The following ERC1 variants were observed in gnomAD, a reference collection of about 807,000 sequenced individuals.
ERC1 encodes ELKS/RAB6-interacting/CAST family member 1.
Under a neutral mutation model 132.0 loss-of-function variants are expected in ERC1, and 56 were observed. The observed-to-expected ratio is 0.42, with a 90% confidence interval of 0.34 to 0.53. The LOEUF is 0.53. ERC1 is among the 20% of genes least tolerant of loss of function. ERC1 has a pLI of 0.03. For synonymous variants in ERC1, 478 were observed against 476.1 expected (o/e 1.00, Z -0.05); for missense variants, 1,202 against 1,349.9 (o/e 0.89, Z 1.72).
intron 15 of ERC1, among the ~76,000 whole-genome samples, chr12:1,303,927 T>G (rs1297248466): frequency 7.2e-6 from 1 of 138,860 alleles, no homozygotes; most frequent in Non-Finnish European, 1.5e-5. Flanking sequence ...CACTCCAGCC[T>G]GGGCAACAAG....
At chr12:1,366,408 AAGG>A (rs1315740150) in intron 15 of ERC1, among the ~76,000 whole-genome samples, 1 of 152,210 alleles carries the variant, frequency 6.6e-6, no homozygotes, top group Non-Finnish European at 1.5e-5. Flanking sequence ...TAAGTGCTGA[AAGG>A]AGATGCTGAA....
intron 1 of ERC1, among the ~76,000 whole-genome samples, chr12:1,003,652 C>T (rs1049207699): frequency 2.0e-5 from 3 of 152,180 alleles, no homozygotes; most frequent in African/African-American, 7.2e-5. Flanking sequence ...TTCAACTTTT[C>T]ATTGTTAGGC....
chr12:1,226,323 G>A (rs145483442), intron 12 of ERC1, among the ~76,000 whole-genome samples: 1 of 152,148 alleles, frequency 6.6e-6, no homozygotes, highest in Non-Finnish European at 1.5e-5. Context: ...ATTTAAGTAC[G>A]GTGTACCACA....
chr12:1,030,766 A>G (rs1967872136), intron 2 of ERC1, among the ~76,000 whole-genome samples: 2 of 152,182 alleles, frequency 1.3e-5, no homozygotes, highest in South Asian at 4.1e-4. Context: ...TTTTCACTGT[A>G]TCTTTTCTAT....
At chr12:1,173,474 G>T (rs983045669) in intron 8 of ERC1, among the ~76,000 whole-genome samples, 1 of 152,100 alleles carries the variant, frequency 6.6e-6, no homozygotes, top group Non-Finnish European at 1.5e-5. Context: ...ATTTAAAAGG[G>T]TATTTTTCTG....
chr12:1,142,442 T>C (rs1433158162), intron 8 of ERC1, among the ~76,000 whole-genome samples: 1 of 152,226 alleles, frequency 6.6e-6, no homozygotes, highest in Non-Finnish European at 1.5e-5. Context: ...GTAAAAAATG[T>C]TGTACATGTT....
intron 12 of ERC1, among the ~76,000 whole-genome samples, chr12:1,224,707 G>T (rs563882172): frequency 2.0e-5 from 3 of 152,076 alleles, no homozygotes; most frequent in African/African-American, 7.2e-5. Context: ...TAGGCTGGGC[G>T]CTGTAGCTCA....
At chr12:1,397,271 T>C (rs2090622128) in intron 16 of ERC1, among the ~76,000 whole-genome samples, 3 of 152,194 alleles carry the variant, frequency 2.0e-5, no homozygotes, top group Admixed American at 2.0e-4. Flanking sequence ...TGCTTATCTG[T>C]GCGTTGACTT....
chr12:1,388,758 C>G (rs1039878375), intron 16 of ERC1, among the ~76,000 whole-genome samples: 16 of 152,130 alleles, frequency 1.1e-4, no homozygotes, highest in African/African-American at 3.6e-4. Flanking sequence ...GAATCTATTC[C>G]AGTTGCCCAA....
At chr12:1,356,596 T>C (rs994342565) in intron 15 of ERC1, among the ~76,000 whole-genome samples, 3 of 152,198 alleles carry the variant, frequency 2.0e-5, no homozygotes, top group African/African-American at 7.2e-5. Flanking sequence ...AAAAACACTT[T>C]CATTTTAAAA....
At chr12:1,458,614 A>G (rs1053080710) in intron 18 of ERC1, among the ~76,000 whole-genome samples, 43 of 150,512 alleles carry the variant, frequency 2.9e-4, no homozygotes, top group African/African-American at 8.1e-4. Flanking sequence ...GGCTCACCAC[A>G]ACCTCCACCT....
chr12:1,290,765 C>T (rs1339904775), intron 15 of ERC1, among the ~76,000 whole-genome samples: 5 of 151,994 alleles, frequency 3.3e-5, no homozygotes. Context: ...CCTCAGTTAC[C>T]CTCAGTTACC....
chr12:1,484,266 C>T (rs999788669), intron 18 of ERC1, among the ~76,000 whole-genome samples: 6 of 151,288 alleles, frequency 4.0e-5, no homozygotes, highest in Non-Finnish European at 8.8e-5. Flanking sequence ...GATCGCACCA[C>T]TGCACTCCAG....
intron 12 of ERC1, chr12:1,204,371 T>G: frequency 1.5e-6 from 1 of 651,610 alleles, no homozygotes; most frequent in East Asian, 2.8e-5. Flanking sequence ...TGTATAGAAT[T>G]TGTGACTCCT....
chr12:1,002,254 G>C (rs995204850), intron 1 of ERC1, among the ~76,000 whole-genome samples: 1 of 130,828 alleles, frequency 7.6e-6, no homozygotes, highest in Non-Finnish European at 1.5e-5. Context: ...GCTCACTGCA[G>C]CCTTGACCTT....
intron 16 of ERC1, among the ~76,000 whole-genome samples, chr12:1,391,715 C>T (rs575247240): frequency 1.3e-5 from 2 of 152,254 alleles, no homozygotes; most frequent in Admixed American, 6.5e-5. Flanking sequence ...ACAGTGGGAC[C>T]ACATGGTCTT....
At chr12:1,062,859 A>G (rs1565889226) in intron 2 of ERC1, among the ~76,000 whole-genome samples, 1 of 152,136 alleles carries the variant, frequency 6.6e-6, no homozygotes, top group African/African-American at 2.4e-5. Flanking sequence ...AGCTCTAATA[A>G]TATTTGCTTT....
At chr12:1,054,360 A>G (rs966524040) in intron 2 of ERC1, among the ~76,000 whole-genome samples, 13 of 152,166 alleles carry the variant, frequency 8.5e-5, no homozygotes, top group African/African-American at 2.4e-4. Flanking sequence ...CTTGTTTAGG[A>G]ACTGTGTATT....
At chr12:1,208,475 TTGTTC>T (rs1168291400) in intron 12 of ERC1, among the ~76,000 whole-genome samples, 1 of 152,238 alleles carries the variant, frequency 6.6e-6, no homozygotes, top group Non-Finnish European at 1.5e-5. Context: ...GCTCTATATC[TTGTTC>T]TGTTATGTGT....
Sources: allele counts gnomAD v4.1 joint callset (sites outside exome capture counted in the v4.1 genomes callset), GRCh38; gene constraint gnomAD v4.1.1; transcripts MANE v1.5; gene names NCBI Gene and HGNC (gene_info 2026-07-23, HGNC 2026-07-21).